Variants in ARHGEF10L observed in about 807,000 individuals in gnomAD.
ARHGEF10L encodes the protein rho guanine nucleotide exchange factor 10-like protein.
ARHGEF10L carries 69 observed loss-of-function variants against 141.2 expected under a neutral mutation model. The ratio of observed to expected loss-of-function variants is 0.49; its 90% confidence interval spans 0.40 to 0.60. The LOEUF (loss-of-function observed/expected upper bound fraction) is 0.60. Ranked by LOEUF, ARHGEF10L falls within the 20% of genes least tolerant of loss-of-function variation. ARHGEF10L has a pLI of 0.00. For synonymous variants in ARHGEF10L, 711 were observed against 718.5 expected (o/e 0.99, Z 0.17); for missense variants, 1,482 against 1,734.3 (o/e 0.85, Z 2.58).
Position 17,619,220 on chromosome 1 carries a change from C to A in ARHGEF10L, c.836-119C>A. The A allele has an allele frequency of 2.1e-6, 2 of 950,506 alleles. No individual in the cohort carries two copies. The highest frequency in any genetic ancestry group is 3.2e-6 in the Non-Finnish European group (2 of 625,466). 58.9% of individuals were successfully genotyped at this position (950,506 alleles called of 1,614,324 possible). ...CTCTAACCCCACGGGGCCCCAGGAGCTGCTTGCACCCTAGGACCTGGGTCC... is the reference window on the plus strand; with the variant it reads ...CTCTAACCCCACGGGGCCCCAGGAGATGCTTGCACCCTAGGACCTGGGTCC... On this transcript the variant is annotated intron_variant, in intron 9 of 28. Transcript: ENST00000361221. This position sits in a 1 kb window ranked among gnomAD's most constrained non-coding sequence, Gnocchi z 5.0.
intron 2 of ARHGEF10L, among the ~76,000 whole-genome samples, chr1:17,586,299 C>G (rs566141324): frequency 6.6e-6 from 1 of 152,312 alleles, no homozygotes; most frequent in Non-Finnish European, 1.5e-5. Flanking sequence ...TGCTCAGAAC[C>G]ACACAGCTAG....
Position 17,539,707 on chromosome 1 carries a change from A to ACGG in ARHGEF10L, c.-274_-272dup, listed in dbSNP as rs1315784269. On this transcript the variant is annotated 5_prime_UTR_variant, in exon 1 of 29. Coordinates refer to ENST00000361221, the MANE Select transcript of ARHGEF10L (RefSeq NM_018125.4). The surrounding 1 kb of genome is among the most constrained non-coding windows in gnomAD (Gnocchi z 6.0). ...GGGCGGGGGCGGCGCCGCGTCGCGC[A>ACGG]CGGCGGCGGCGGCGGGACCAGGCCT... The ACGG allele has an allele frequency of 3.5e-5, 5 of 143,494 alleles. No homozygotes were observed. The highest frequency in any genetic ancestry group is 2.0e-4 in the South Asian group (1 of 4,902). The allele number at this position is 143,494 out of a possible 1,614,324, so 8.9% of individuals were successfully genotyped here. A position where few individuals can be genotyped will look rare whatever the true frequency, so the allele number is the denominator to read the frequency against.
intron 26 of ARHGEF10L, among the ~76,000 whole-genome samples, chr1:17,667,037 A>G (rs1033169566): frequency 2.0e-5 from 3 of 152,150 alleles, no homozygotes; most frequent in Non-Finnish European, 2.9e-5. Context: ...GTAGCCCCCA[A>G]GTGTCTGAGC....
At chr1:17,586,547 C>A (rs2079040068) in intron 2 of ARHGEF10L, among the ~76,000 whole-genome samples, 1 of 152,190 alleles carries the variant, frequency 6.6e-6, no homozygotes, top group African/African-American at 2.4e-5. Flanking sequence ...TGGGGAACCT[C>A]CATGTGGTGA....
At chr1:17,604,155 C>T (rs992876569) in intron 6 of ARHGEF10L, among the ~76,000 whole-genome samples, 3 of 152,042 alleles carry the variant, frequency 2.0e-5, no homozygotes, top group Admixed American at 2.0e-4. Context: ...TATTTTCAAT[C>T]ATGTAATGGC....
the ARHGEF10L span, among the ~76,000 whole-genome samples, chr1:17,513,912 C>T: frequency 2.6e-5 from 4 of 152,048 alleles, no homozygotes; most frequent in African/African-American, 7.2e-5. Context: ...GCAACCTCCG[C>T]CTCCCAGGTT....
intron 21 of ARHGEF10L, among the ~76,000 whole-genome samples, chr1:17,643,430 G>T (rs1052518091): frequency 6.6e-6 from 1 of 152,164 alleles, no homozygotes; most frequent in Admixed American, 6.5e-5. Flanking sequence ...CCACCACCAC[G>T]CCTTGTGGTC....
At chr1:17,681,305 C>T (rs1377804516) in intron 26 of ARHGEF10L, among the ~76,000 whole-genome samples, 1 of 152,192 alleles carries the variant, frequency 6.6e-6, no homozygotes, top group Non-Finnish European at 1.5e-5. Flanking sequence ...TGGCATATCA[C>T]ACCCAGGAAT....
At chr1:17,563,273 T>C (rs1415445767) in intron 1 of ARHGEF10L, among the ~76,000 whole-genome samples, 1 of 151,756 alleles carries the variant, frequency 6.6e-6, no homozygotes, top group Admixed American at 6.6e-5. Flanking sequence ...CTCGTTCCAT[T>C]GCCCAGGGTG....
chr1:17,614,287 G>A (rs1237201644), intron 8 of ARHGEF10L, among the ~76,000 whole-genome samples: 2 of 152,188 alleles, frequency 1.3e-5, no homozygotes, highest in African/African-American at 2.4e-5. Flanking sequence ...GGGTAGGGGC[G>A]GGGCTAACCT....
chr1:17,594,302 A>G (rs1462834294), intron 4 of ARHGEF10L, among the ~76,000 whole-genome samples: 3 of 151,996 alleles, frequency 2.0e-5, no homozygotes, highest in Non-Finnish European at 4.4e-5. Flanking sequence ...CATCAGCCCA[A>G]GGTCACAGAG....
In ARHGEF10L at chr1:17,696,866, T is replaced by C. The variant is rs2102629739; in HGVS notation, c.3326T>C (p.Leu1109Pro). 1.9e-6 allele frequency: 3 copies of C among 1,566,744 alleles called. No individual in the cohort carries two copies. The highest frequency in any genetic ancestry group is 2.7e-5 in the African/African-American group (2 of 73,528). Residue 1109 changes from leucine (L) to proline (P), a missense_variant, in exon 29 of 29, where the codon CTC becomes CCC. Coordinates refer to ENST00000361221, the MANE Select transcript of ARHGEF10L (RefSeq NM_018125.4). The stretch of plus-strand genomic sequence containing the variant: ...TCTGCAGGGAAAGGCATGGTCTCAC[T>C]CAACGGGCACTGTGGGCCTGTGGCC... ...PKITGKGMVS[L>P]NGHCGPVAFL... is the part of the protein sequence containing the mutation.
intron 25 of ARHGEF10L, among the ~76,000 whole-genome samples, chr1:17,663,468 G>T (rs149030753): frequency 1.3e-5 from 2 of 151,586 alleles, no homozygotes; most frequent in African/African-American, 4.8e-5. Flanking sequence ...CAAGAGAATC[G>T]CTGGAACCCG....
chr1:17,541,117 G>T (rs113716485), intron 1 of ARHGEF10L, among the ~76,000 whole-genome samples: 1 of 152,148 alleles, frequency 6.6e-6, no homozygotes, highest in Non-Finnish European at 1.5e-5. Flanking sequence ...TCTGATGCTC[G>T]CTCTGTCCCC....
intron 26 of ARHGEF10L, among the ~76,000 whole-genome samples, chr1:17,666,511 C>T (rs546628388): frequency 1.3e-5 from 2 of 152,218 alleles, no homozygotes; most frequent in South Asian, 4.1e-4. Context: ...AACCTCATCT[C>T]CTGGACTCAT....
chr1:17,544,151 C>T (rs528705252), intron 1 of ARHGEF10L, among the ~76,000 whole-genome samples: 58 of 151,578 alleles, frequency 3.8e-4, no homozygotes, highest in Admixed American at 1.3e-4. Context: ...TGGGGTTTCA[C>T]TATGTTGGCC....
intron 1 of ARHGEF10L, among the ~76,000 whole-genome samples, chr1:17,574,743 A>C (rs1162522551): frequency 6.6e-6 from 1 of 152,140 alleles, no homozygotes; most frequent in Admixed American, 6.5e-5. Context: ...CGGACTCTCC[A>C]CCAGGTGGCC....
At chr1:17,542,570 A>G (rs1223151425) in intron 1 of ARHGEF10L, among the ~76,000 whole-genome samples, 1 of 152,212 alleles carries the variant, frequency 6.6e-6, no homozygotes, top group Non-Finnish European at 1.5e-5. Flanking sequence ...TACCTCTTAC[A>G]CACTGAGAAG....
At chr1:17,659,721 A>T (rs1237960719) in intron 25 of ARHGEF10L, among the ~76,000 whole-genome samples, 1 of 152,236 alleles carries the variant, frequency 6.6e-6, no homozygotes, top group Non-Finnish European at 1.5e-5. Context: ...TTGAAGTGAC[A>T]TGTTCACTGT....
Sources: gnomAD v4.1 joint callset for allele counts (sites outside exome capture counted in the v4.1 genomes callset) on GRCh38, gnomAD v4.1.1 for gene constraint, Gnocchi (gnomAD v3.1) non-coding constraint, MANE v1.5 for transcripts, NCBI Gene and HGNC (gene_info 2026-07-23, HGNC 2026-07-21) for gene names.